Variants in RABGAP1L observed in about 807,000 individuals in gnomAD.
The protein encoded by RABGAP1L is rab GTPase-activating protein 1-like.
In RABGAP1L, 63 loss-of-function variants were observed where a neutral mutation model predicts 137.7. That is an observed-to-expected ratio of 0.46 (90% CI 0.37 to 0.56). RABGAP1L has a LOEUF of 0.56. Among genes scored for constraint, RABGAP1L ranks in the 20% least tolerant of loss-of-function variants. The pLI, the probability that RABGAP1L is intolerant of heterozygous loss-of-function variation, is 0.00. For synonymous variants in RABGAP1L, 431 were observed against 433.7 expected (o/e 0.99, Z 0.08); for missense variants, 1,095 against 1,244.0 (o/e 0.88, Z 1.80).
At chr1:174,916,175 A>T (rs1407461180) in intron 19 of RABGAP1L, among the ~76,000 whole-genome samples, 1 of 150,290 alleles carries the variant, frequency 6.7e-6, no homozygotes, top group Non-Finnish European at 1.5e-5. Flanking sequence ...TGTTGAAAAG[A>T]TTATTCTTTC....
At chr1:174,898,956 G>A (rs1473524158) in intron 19 of RABGAP1L, among the ~76,000 whole-genome samples, 1 of 152,140 alleles carries the variant, frequency 6.6e-6, no homozygotes, top group Non-Finnish European at 1.5e-5. Context: ...TTTAAAGAGA[G>A]GTAGTGCTAA....
intron 17 of RABGAP1L, among the ~76,000 whole-genome samples, chr1:174,718,210 T>C (rs1368486482): frequency 6.6e-6 from 1 of 152,246 alleles, no homozygotes; most frequent in East Asian, 1.9e-4. Flanking sequence ...GTTTTGGTTA[T>C]TCAATCTCAC....
intron 13 of RABGAP1L, among the ~76,000 whole-genome samples, chr1:174,570,068 C>A (rs1165479535): frequency 6.6e-6 from 1 of 152,124 alleles, no homozygotes; most frequent in Non-Finnish European, 1.5e-5. Context: ...TTAGATGCTG[C>A]ATGTTATTCT....
intron 19 of RABGAP1L, among the ~76,000 whole-genome samples, chr1:174,908,605 C>T (rs1284723159): frequency 1.5e-4 from 21 of 135,696 alleles, no homozygotes; most frequent in African/African-American, 5.1e-4. Context: ...TACAATGGTG[C>T]GATCTTGGCT....
chr1:174,989,914 C>T lies in RABGAP1L; in HGVS notation c.3069C>T (p.Ser1023=). 3.9e-6 allele frequency: 6 copies of T among 1,550,318 alleles called. No individual in the cohort carries two copies. The highest frequency in any genetic ancestry group is 5.2e-6 in the Non-Finnish European group (6 of 1,146,698). The change falls in exon 26 of 26, where the codon AGC becomes AGT. Residue 1023 remains serine, a synonymous_variant. Transcript: ENST00000681986. ...AAGCTGCGAAAAACTCTTGGTTTAG[C>T]AAAACCCTGAACTCTATCAAAACGG... ...EIQAAKNSWF[S]KTLNSIKTAT... is the part of the protein sequence containing the mutation.
chr1:174,548,861 A>G (rs1371537165), intron 13 of RABGAP1L, among the ~76,000 whole-genome samples: 3 of 152,222 alleles, frequency 2.0e-5, no homozygotes, highest in Non-Finnish European at 4.4e-5. Flanking sequence ...AGTTAGAAGT[A>G]CCAAAAAGGG....
chr1:174,883,060 G>A (rs1654509015), intron 19 of RABGAP1L, among the ~76,000 whole-genome samples: 1 of 152,084 alleles, frequency 6.6e-6, no homozygotes, highest in Admixed American at 6.6e-5. Context: ...CTGACCTCAG[G>A]TGATCCACCT....
At chr1:174,172,508 A>G (rs551154511) in intron 1 of RABGAP1L, among the ~76,000 whole-genome samples, 1 of 152,290 alleles carries the variant, frequency 6.6e-6, no homozygotes, top group East Asian at 1.9e-4. Flanking sequence ...CACTTTGGCC[A>G]ACACTTTTGT....
chr1:174,441,603 G>C (rs1210389282), intron 13 of RABGAP1L, among the ~76,000 whole-genome samples: 1 of 151,982 alleles, frequency 6.6e-6, no homozygotes, highest in Non-Finnish European at 1.5e-5. Flanking sequence ...GCGTGGTGGT[G>C]CATGCCTGTA....
intron 11 of RABGAP1L, among the ~76,000 whole-genome samples, chr1:174,363,807 A>G (rs1489688393): frequency 7.1e-6 from 1 of 141,720 alleles, no homozygotes; most frequent in African/African-American, 2.5e-5. Flanking sequence ...AAATGCTCAT[A>G]TGGTTTTTGT....
At chr1:174,638,212 G>A (rs1674221441) in intron 14 of RABGAP1L, among the ~76,000 whole-genome samples, 1 of 152,150 alleles carries the variant, frequency 6.6e-6, no homozygotes, top group Admixed American at 6.5e-5. Flanking sequence ...GGAGAAAAAG[G>A]CAAACATCAT....
Position 174,957,583 on chromosome 1 carries a change from T to C in RABGAP1L, c.2433+34T>C, listed in dbSNP as rs560114259. 1.1e-5 allele frequency: 17 copies of C among 1,541,026 alleles called. No homozygotes were observed. The African/African-American group carries it at 2.2e-4, about 20-fold the overall frequency. On this transcript the variant is annotated intron_variant, in intron 20 of 25. Coordinates refer to ENST00000681986, the MANE Select transcript of RABGAP1L (RefSeq NM_001366446.1). ...AATATGTTGCACCTATCAAAGTACC[T>C]TCTTTTTTGTTTTAAATGAGACTGA...
intron 13 of RABGAP1L, among the ~76,000 whole-genome samples, chr1:174,533,736 T>A (rs1664640725): frequency 6.6e-6 from 1 of 152,108 alleles, no homozygotes; most frequent in Non-Finnish European, 1.5e-5. Flanking sequence ...AATGGTATGA[T>A]CTCAGCTCAT....
In RABGAP1L at chr1:174,948,509, C is replaced by CAAAAAA. The variant is rs3086627; in HGVS notation, c.2341-8930_2341-8925dup. 2.5e-4 allele frequency among the ~76,000 whole-genome samples: 16 copies of CAAAAAA among 64,880 alleles called. 1 individual carries two copies. Among genetic ancestry groups the CAAAAAA allele is most frequent in the African/African-American group, 9.3e-4 (14 of 15,016 alleles). 42.6% of individuals were successfully genotyped at this position (64,880 alleles called of 152,430 possible). A position where few individuals can be genotyped will look rare whatever the true frequency, so the allele number is the denominator to read the frequency against. On this transcript the variant is annotated intron_variant, in intron 19 of 25. Transcript: ENST00000681986. ...GCAGCCACAGAGCGAGACCCTGCCT[C>CAAAAAA]AAAAAAAAAAAAAAAAAAAAAAAGG...
intron 13 of RABGAP1L, among the ~76,000 whole-genome samples, chr1:174,515,926 A>G (rs1418712365): frequency 6.6e-6 from 1 of 152,130 alleles, no homozygotes; most frequent in Non-Finnish European, 1.5e-5. Flanking sequence ...GATCACTTGG[A>G]GACATTTCTT....
intron 12 of RABGAP1L, among the ~76,000 whole-genome samples, chr1:174,381,189 G>GA (rs1427968293): frequency 6.9e-6 from 1 of 144,204 alleles, no homozygotes; most frequent in African/African-American, 2.7e-5. Context: ...TACATTTGCT[G>GA]AGGAGAGCTT....
chr1:174,215,227 C>T lies in RABGAP1L; in HGVS notation c.-33-3898C>T, dbSNP rs146941008. On this transcript the variant is annotated intron_variant, in intron 1 of 25. Transcript: ENST00000681986. ...ATCCCAGCACTTTGGGAGGCCAGGG[C>T]GAGTAGATCACCTGGGGTCAGGAGT... is the stretch of plus-strand genomic sequence containing the variant. Among the ~76,000 whole-genome samples the T allele has an allele frequency of 7.0e-4, 106 of 152,148 alleles. 1 individual carries two copies. Among genetic ancestry groups the T allele is most frequent in the African/African-American group, 2.3e-3 (94 of 41,528 alleles).
intron 19 of RABGAP1L, among the ~76,000 whole-genome samples, chr1:174,903,086 A>T (rs1278392735): frequency 6.6e-6 from 1 of 152,258 alleles, no homozygotes; most frequent in Non-Finnish European, 1.5e-5. Flanking sequence ...CATTGTGTGC[A>T]TCTTCTAAAA....
intron 13 of RABGAP1L, among the ~76,000 whole-genome samples, chr1:174,464,276 G>A (rs1657046239): frequency 1.3e-5 from 2 of 152,094 alleles, no homozygotes; most frequent in African/African-American, 4.8e-5. Context: ...TCCTTACAAA[G>A]TTATAATTTG....
Sources: allele counts gnomAD v4.1 joint callset (sites outside exome capture counted in the v4.1 genomes callset), GRCh38; gene constraint gnomAD v4.1.1; transcripts MANE v1.5; gene names NCBI Gene and HGNC (gene_info 2026-07-23, HGNC 2026-07-21).